Variants in PAPPA2 observed in about 807,000 individuals in gnomAD.
PAPPA2 encodes the protein pappalysin-2.
PAPPA2 carries 86 observed loss-of-function variants against 176.4 expected under a neutral mutation model. The ratio of observed to expected loss-of-function variants is 0.49; its 90% confidence interval spans 0.41 to 0.58. The LOEUF is 0.58. Among genes scored for constraint, PAPPA2 ranks in the 20% least tolerant of loss-of-function variants. PAPPA2 has a pLI of 0.00. For synonymous variants in PAPPA2, 809 were observed against 852.2 expected, an observed-to-expected ratio of 0.95 and a Z score of 0.88; for missense variants, 2,073 against 2,256.9, an observed-to-expected ratio of 0.92 and a Z score of 1.65.
At chr1:176,751,080 C>T (rs970293095) in intron 14 of PAPPA2, among the ~76,000 whole-genome samples, 2 of 151,842 alleles carry the variant, frequency 1.3e-5, no homozygotes, top group Non-Finnish European at 2.9e-5. Context: ...TTTCCCAGCA[C>T]CATTTGTTAA....
At position 176,690,433 on chromosome 1, in the gene PAPPA2, A is replaced by G; in HGVS notation, c.2431+3A>G. The G allele has an allele frequency of 6.2e-7, 1 of 1,613,336 alleles. No individual in the cohort carries two copies. Among genetic ancestry groups the G allele is most frequent in the Non-Finnish European group, 8.5e-7 (1 of 1,179,314 alleles). On this transcript the variant is annotated splice_donor_region_variant and intron_variant, in intron 5 of 22. Coordinates refer to ENST00000367662, the MANE Select transcript of PAPPA2 (RefSeq NM_020318.3). ...CACCAACTACATGAGCTACACGGGT[A>G]TCACCACTGTCTTGTTTTGTTTTCT...
At position 176,844,527 on chromosome 1, in the gene PAPPA2, T is replaced by G. The variant is rs1246847446; in HGVS notation, c.*2073T>G. 6.6e-6 allele frequency: 1 copy of G among 152,170 alleles called. No homozygotes were observed. Among genetic ancestry groups the G allele is most frequent in the African/African-American group, 2.4e-5 (1 of 41,454 alleles). The allele number at this position is 152,170 out of a possible 1,614,324, so 9.4% of individuals were successfully genotyped here. On this transcript the variant is annotated 3_prime_UTR_variant, in exon 23 of 23. Transcript: ENST00000367662. ...TCAAAAAAAACCTTTTGTCTACTAATCTCTAGTGTAAAGAAAATGTAGTTC... is the reference window on the plus strand; with the variant it reads ...TCAAAAAAAACCTTTTGTCTACTAAGCTCTAGTGTAAAGAAAATGTAGTTC...
chr1:176,681,573 G>A (rs1050682700), intron 4 of PAPPA2, among the ~76,000 whole-genome samples: 23 of 152,136 alleles, frequency 1.5e-4, no homozygotes, highest in African/African-American at 5.6e-4. Context: ...ATAAGCATGA[G>A]GAAGAATGTC....
At chr1:176,477,001 T>C (rs886740843) in intron 1 of PAPPA2, among the ~76,000 whole-genome samples, 3 of 152,174 alleles carry the variant, frequency 2.0e-5, no homozygotes, top group Admixed American at 1.3e-4. Context: ...AACTTTTACA[T>C]GAGCCACGGT....
chr1:176,646,291 AGGTG>A (rs938188701), intron 3 of PAPPA2, among the ~76,000 whole-genome samples: 1 of 151,306 alleles, frequency 6.6e-6, no homozygotes, highest in African/African-American at 2.4e-5. Flanking sequence ...GGTACATAGT[AGGTG>A]TATATATTTA....
chr1:176,832,880 C>T (rs1667130283), intron 21 of PAPPA2, among the ~76,000 whole-genome samples: 1 of 152,098 alleles, frequency 6.6e-6, no homozygotes, highest in Non-Finnish European at 1.5e-5. Flanking sequence ...TTGCTTTGGT[C>T]TTGGTGTCAA....
In PAPPA2 at chr1:176,526,765, A is replaced by G. The variant is rs1649520600; in HGVS notation, c.-916-28642A>G. 2.0e-5 allele frequency among the ~76,000 whole-genome samples: 3 copies of G among 152,326 alleles called. No individual in the cohort carries two copies. The South Asian group carries it at 6.2e-4, about 32-fold the overall frequency. ...AAGGAAGAGGTCTTTCACAGGAGCT[A>G]CTAGGAGAGTGACATGGCACAGGGC... On this transcript the variant is annotated intron_variant, in intron 1 of 22. Coordinates refer to ENST00000367662, the MANE Select transcript of PAPPA2 (RefSeq NM_020318.3).
chr1:176,506,702 G>A (rs1438719893), intron 1 of PAPPA2, among the ~76,000 whole-genome samples: 1 of 152,026 alleles, frequency 6.6e-6, no homozygotes, highest in Non-Finnish European at 1.5e-5. Flanking sequence ...CATTGATTTT[G>A]TATCCTGAAA....
chr1:176,594,931 C>T lies in PAPPA2; in HGVS notation c.1327C>T (p.Gln443Ter). The T allele has an allele frequency of 1.2e-6, 2 of 1,614,210 alleles. No homozygotes were observed. The change falls in exon 3 of 23, where the codon CAG becomes TAG. Residue 443 changes from glutamine to a stop codon, truncating the protein, a stop_gained. Transcript: ENST00000367662. LOFTEE classifies it high-confidence loss of function. ...LPQSHFQHSS[Q>*]HSSGEEEATD... ...ACAAAGCCATTTTCAGCACAGTTCT[C>T]AGCATTCAAGTGGGGAGGAGGAAGC...
intron 2 of PAPPA2, among the ~76,000 whole-genome samples, chr1:176,590,781 C>T (rs751927441): frequency 2.6e-5 from 4 of 152,134 alleles, no homozygotes; most frequent in Non-Finnish European, 5.9e-5. Flanking sequence ...CTGGCTGACT[C>T]ATGCTTTTAA....
chr1:176,620,681 C>T (rs1655541929), intron 3 of PAPPA2, among the ~76,000 whole-genome samples: 1 of 152,124 alleles, frequency 6.6e-6, no homozygotes, highest in Non-Finnish European at 1.5e-5. Flanking sequence ...GCTTTAGTTT[C>T]CCAACCCCTA....
chr1:176,656,791 A>G (rs1392199151), intron 3 of PAPPA2, among the ~76,000 whole-genome samples: 1 of 151,772 alleles, frequency 6.6e-6, no homozygotes, highest in Non-Finnish European at 1.5e-5. Context: ...TTTCACACAC[A>G]CACACACACA....
intron 1 of PAPPA2, among the ~76,000 whole-genome samples, chr1:176,495,443 G>A (rs909138229): frequency 6.6e-6 from 1 of 151,954 alleles, no homozygotes; most frequent in Middle Eastern, 3.4e-3. Flanking sequence ...GGGAGGCTGA[G>A]GCAGCAGAAT....
intron 21 of PAPPA2, 120 bp from the exon 22 acceptor site, chr1:176,840,053 T>G: frequency 1.3e-6 from 1 of 751,736 alleles, no homozygotes; most frequent in Middle Eastern, 2.5e-4. Context: ...TCCTGCACCT[T>G]GGGTGCTTTT....
intron 1 of PAPPA2, among the ~76,000 whole-genome samples, chr1:176,525,060 C>G (rs1358534814): frequency 6.6e-6 from 1 of 151,984 alleles, no homozygotes; most frequent in Non-Finnish European, 1.5e-5. Context: ...AAAGTTACAG[C>G]CTTAAAATTT....
intron 2 of PAPPA2, among the ~76,000 whole-genome samples, chr1:176,582,129 G>T (rs1484163236): frequency 6.6e-6 from 1 of 151,656 alleles, no homozygotes; most frequent in East Asian, 1.9e-4. Flanking sequence ...GGGTTTTACC[G>T]TGTTAGCCAG....
chr1:176,632,671 G>A lies in PAPPA2; in HGVS notation c.1991+37076G>A, dbSNP rs562833776. Among the ~76,000 whole-genome samples the A allele has an allele frequency of 4.4e-3, 663 of 152,228 alleles. 3 individuals are homozygous for A. The highest frequency in any genetic ancestry group is 0.015 in the African/African-American group (639 of 41,536). On this transcript the variant is annotated intron_variant, in intron 3 of 22. Transcript: ENST00000367662. Reference sequence around the variant, plus strand: ...TAAGTTTAAGAAATAACTCTCCAAGGGAATAAACAGAGCTTCTTTGGTAAA... The same window carrying A: ...TAAGTTTAAGAAATAACTCTCCAAGAGAATAAACAGAGCTTCTTTGGTAAA...
At chr1:176,538,391 G>A (rs1177206770) in intron 1 of PAPPA2, among the ~76,000 whole-genome samples, 1 of 152,224 alleles carries the variant, frequency 6.6e-6, no homozygotes, top group Non-Finnish European at 1.5e-5. Context: ...AAATGAAGAT[G>A]TGGGGAGGTG....
intron 4 of PAPPA2, among the ~76,000 whole-genome samples, chr1:176,682,042 G>A (rs369028395): frequency 1.3e-5 from 2 of 152,152 alleles, no homozygotes; most frequent in East Asian, 3.9e-4. Flanking sequence ...ACTTTCACAG[G>A]GGGTCTTCCA....
Sources: allele counts gnomAD v4.1 joint callset (sites outside exome capture counted in the v4.1 genomes callset), GRCh38; gene constraint gnomAD v4.1.1; transcripts MANE v1.5; gene names NCBI Gene and HGNC (gene_info 2026-07-23, HGNC 2026-07-21).